Variants in FUOM observed in about 807,000 individuals in gnomAD.
FUOM encodes fucose mutarotase, also known as protein fucU homolog.
In FUOM, 19 loss-of-function variants were observed where a neutral mutation model predicts 18.3. The ratio of observed to expected loss-of-function variants is 1.04; its 90% CI spans 0.73 to 1.53. The LOEUF (loss-of-function observed/expected upper bound fraction) is 1.53. Ranked by LOEUF, FUOM falls within the 40% of genes most tolerant of loss-of-function variation. The pLI, the probability that FUOM is intolerant of heterozygous loss-of-function variation, is 0.00. For missense variants in FUOM, 210 were observed against 200.9 expected, an observed-to-expected ratio of 1.04 and a Z score of -0.27; for synonymous variants, 102 against 87.9, an observed-to-expected ratio of 1.16 and a Z score of -0.90.
Position 133,355,728 on chromosome 10 carries a change from T to C in FUOM, c.398+10A>G. Reference sequence around the variant, plus strand: ...GGGGATGGGGCAGGTCTGAGCCAGCTGGAACTCACCCCGTTGCCACAACAG... The same window carrying C: ...GGGGATGGGGCAGGTCTGAGCCAGCCGGAACTCACCCCGTTGCCACAACAG... On this transcript the variant is annotated intron_variant, in intron 5 of 5. Coordinates refer to ENST00000278025, the MANE Select transcript of FUOM (RefSeq NM_001098483.3). The C allele has an allele frequency of 1.2e-6, 2 of 1,612,920 alleles. No homozygotes were observed. The highest frequency in any genetic ancestry group is 1.7e-6 in the Non-Finnish European group (2 of 1,179,686).
intron 1 of FUOM, chr10:133,357,619 C>T (rs1848851894): frequency 2.1e-6 from 1 of 484,568 alleles, no homozygotes; most frequent in Non-Finnish European, 3.6e-6. Context: ...ACCCCTGCCC[C>T]GGGACCCCAG....
Position 133,355,565 on chromosome 10 carries a change from C to T in FUOM, c.399-129G>A, listed in dbSNP as rs1392480720. On this transcript the variant is annotated intron_variant, in intron 5 of 5. Transcript: ENST00000278025. ...CACTTGATGCTCAGGCAAATGGGGG[C>T]CCTGCCCCCCCGAAATTCCTCCCTG... 5 of 1,606,664 alleles carry T rather than the reference C, an allele frequency of 3.1e-6. No homozygotes were observed. The African/African-American group carries it at 5.3e-5, about 17-fold the overall frequency.
At chr10:133,355,938 C>T in intron 4 of FUOM, 127 bp from the exon 5 acceptor site, 1 of 806,376 alleles carries the variant, frequency 1.2e-6, no homozygotes, top group Non-Finnish European at 2.1e-6. Flanking sequence ...TGGGCTCTCC[C>T]CCGGCAAGGG....
chr10:133,356,847 C>T (rs943645820), intron 3 of FUOM, 96 bp downstream of exon 3: 77 of 1,451,910 alleles, frequency 5.3e-5, no homozygotes, highest in Non-Finnish European at 6.1e-5. Context: ...GGACACATGG[C>T]TTCCCCCCAC....
At chr10:133,355,157 A>C, downstream of FUOM, 1 of 604,192 alleles carries the variant, frequency 1.7e-6, no homozygotes, top group Non-Finnish European at 2.9e-6. Context: ...CAGAGCTGGA[A>C]TTGGACTCTT....
downstream of FUOM, among the ~76,000 whole-genome samples, chr10:133,353,122 C>T (rs570474624): frequency 7.2e-5 from 11 of 152,300 alleles, no homozygotes; most frequent in African/African-American, 2.6e-4. Flanking sequence ...GAGACAGGGT[C>T]GGGGAGGAGG....
At chr10:133,357,137 A>G (rs1589873717) in intron 2 of FUOM, 50 bp downstream of exon 2, 2 of 1,545,602 alleles carry the variant, frequency 1.3e-6, no homozygotes, top group South Asian at 2.4e-5. Flanking sequence ...CAGAGCCAGG[A>G]GCACCGCTCA....
intron 1 of FUOM, chr10:133,357,608 A>C: frequency 2.1e-6 from 1 of 477,650 alleles, no homozygotes. Context: ...CCGGCCACCC[A>C]ACCCCTGCCC....
At chr10:133,353,948 A>C (rs1322029364), downstream of FUOM, among the ~76,000 whole-genome samples, 1 of 148,810 alleles carries the variant, frequency 6.7e-6, no homozygotes, top group African/African-American at 2.5e-5. Flanking sequence ...TAGGCAGCCC[A>C]AGCTGGTGTT....
At chr10:133,353,619 G>A (rs1848718194), downstream of FUOM, among the ~76,000 whole-genome samples, 3 of 152,146 alleles carry the variant, frequency 2.0e-5, no homozygotes, top group South Asian at 2.1e-4. Context: ...GCAAATCCCC[G>A]CTCTCCCAGG....
chr10:133,357,885 C>G lies in FUOM; in HGVS notation c.85+38G>C, dbSNP rs1388517757. The G allele has an allele frequency of 2.0e-6, 3 of 1,494,448 alleles. No homozygotes were observed. In the South Asian group the frequency reaches 3.7e-5, roughly 18 times the overall value. The allele number at this position is 1,494,448 out of a possible 1,614,324, so 92.6% of individuals were successfully genotyped here. A position where few individuals can be genotyped will look rare whatever the true frequency, so the allele number is the denominator to read the frequency against. ...TGCAAGCCTCGCCCTCCTGCCTGTC[C>G]CGGGGTGCTCCCCGAGGCCCCGGCC... is the stretch of plus-strand genomic sequence containing the variant. On this transcript the variant is annotated intron_variant, in intron 1 of 5. Coordinates refer to ENST00000278025, the MANE Select transcript of FUOM (RefSeq NM_001098483.3).
chr10:133,357,173 TG>T lies in FUOM; in HGVS notation c.154+13del. ...CCCGCCCGCCCTGCCCTGGGGGACC[TG>T]GGGCTCGCTCACCGTCTGCACGGAT... On this transcript the variant is annotated intron_variant, in intron 2 of 5. Transcript: ENST00000278025. The T allele has an allele frequency of 6.6e-7, 1 of 1,522,658 alleles. No homozygotes were observed. Among genetic ancestry groups the T allele is most frequent in the Admixed American group, 1.9e-5 (1 of 52,926 alleles). The allele number at this position is 1,522,658 out of a possible 1,614,324, so 94.3% of individuals were successfully genotyped here.
At chr10:133,353,135 G>T (rs1357029381), downstream of FUOM, among the ~76,000 whole-genome samples, 1 of 152,202 alleles carries the variant, frequency 6.6e-6, no homozygotes, top group East Asian at 1.9e-4. Flanking sequence ...GGAGGAGGGT[G>T]GCCGAGTGCC....
At chr10:133,354,416 G>A (rs533017364), downstream of FUOM, among the ~76,000 whole-genome samples, 69 of 152,298 alleles carry the variant, frequency 4.5e-4, no homozygotes, top group Admixed American at 2.1e-3. Flanking sequence ...GCGGTCTGGA[G>A]TGGGGGTCTG....
intron 3 of FUOM, 59 bp from the exon 4 acceptor site, chr10:133,356,797 C>T (rs1488299713): frequency 4.1e-6 from 6 of 1,457,508 alleles, no homozygotes; most frequent in Non-Finnish European, 4.6e-6. Context: ...GGTCAGGTGA[C>T]CATTCGGGAC....
At chr10:133,355,880 C>T in intron 4 of FUOM, 69 bp from the exon 5 acceptor site, 1 of 1,286,244 alleles carries the variant, frequency 7.8e-7, no homozygotes, top group African/African-American at 1.5e-5. Context: ...CCCTGGACTC[C>T]CCAGGGCCCA....
intron 4 of FUOM, 90 bp downstream of exon 4, chr10:133,356,550 G>T: frequency 9.6e-7 from 1 of 1,043,938 alleles, no homozygotes; most frequent in Non-Finnish European, 1.4e-6. Flanking sequence ...TGAGGACAGA[G>T]CTTGGGACCC....
chr10:133,356,876 T>G, intron 3 of FUOM, 67 bp downstream of exon 3: 2 of 1,511,284 alleles, frequency 1.3e-6, no homozygotes, highest in Non-Finnish European at 9.0e-7. Context: ...AGGTGGGCCC[T>G]ATGAAGCCCG....
intron 5 of FUOM, 75 bp from the exon 6 acceptor site, chr10:133,355,511 G>C: frequency 6.2e-7 from 1 of 1,606,300 alleles, no homozygotes; most frequent in Non-Finnish European, 8.5e-7. Context: ...AGCATCTGGG[G>C]GACAGAGCAG....
Sources: gnomAD v4.1 joint callset for allele counts (sites outside exome capture counted in the v4.1 genomes callset) on GRCh38, gnomAD v4.1.1 for gene constraint, MANE v1.5 for transcripts, NCBI Gene and HGNC (gene_info 2026-07-23, HGNC 2026-07-21) for gene names.